UST: variants seen among roughly 807,000 people sequenced by gnomAD.
UST encodes the protein chondroitin sulfate 2-O-sulfotransferase.
Under a neutral mutation model 45.6 loss-of-function variants are expected in UST, and 21 were observed. The observed-to-expected ratio is 0.46, with a 90% CI of 0.33 to 0.66. UST has a LOEUF of 0.66. Ranked by LOEUF, UST falls within the 30% of genes least tolerant of loss-of-function variation. The pLI is 0.02. For synonymous variants in UST, 215 were observed against 200.6 expected (o/e 1.07, Z -0.61); for missense variants, 463 against 512.4 (o/e 0.90, Z 0.93).
In UST at chr6:149,074,234, TC is replaced by T; in HGVS notation, c.*121del. ...GGGTGCATTAAAAAGAACAAAACAT[TC>T]CCACATGTTGGGGTCATTGGGAGAT... On this transcript the variant is annotated 3_prime_UTR_variant, in exon 8 of 8. Coordinates refer to ENST00000367463, the MANE Select transcript of UST (RefSeq NM_005715.3). 8.7e-7 allele frequency: 1 copy of T among 1,155,842 alleles called. No homozygotes were observed. The highest frequency in any genetic ancestry group is 1.2e-6 in the Non-Finnish European group (1 of 820,014). 71.6% of individuals were successfully genotyped at this position (1,155,842 alleles called of 1,614,324 possible).
At chr6:149,010,379 C>T (rs952545244) in intron 5 of UST, among the ~76,000 whole-genome samples, 5 of 152,108 alleles carry the variant, frequency 3.3e-5, no homozygotes, top group Admixed American at 6.5e-5. Flanking sequence ...CCTCAAAGAC[C>T]GCGGTTCCTT....
At chr6:149,005,251 T>A in intron 5 of UST, 4 of 979,326 alleles carry the variant, frequency 4.1e-6, no homozygotes, top group Non-Finnish European at 4.9e-6. Context: ...TCTGTGTATG[T>A]TGACGTTTCC....
chr6:148,990,495 G>C (rs1450798916), intron 5 of UST: 4 of 704,232 alleles, frequency 5.7e-6, no homozygotes, highest in Middle Eastern at 6.9e-4. Flanking sequence ...GTGTTTTCCT[G>C]GATAAAATTA....
At chr6:149,025,505 T>C (rs918305250) in intron 7 of UST, among the ~76,000 whole-genome samples, 4 of 152,182 alleles carry the variant, frequency 2.6e-5, no homozygotes, top group African/African-American at 9.7e-5. Flanking sequence ...ACAAGTACTG[T>C]GGAGTGGGCA....
chr6:149,013,242 T>C (rs974092292), intron 5 of UST, among the ~76,000 whole-genome samples: 47 of 152,190 alleles, frequency 3.1e-4, no homozygotes, highest in South Asian at 4.1e-4. Context: ...CTTGAGATTA[T>C]AAAACTATTC....
chr6:148,835,272 T>A (rs58442212), intron 1 of UST, among the ~76,000 whole-genome samples: 2,024 of 152,322 alleles, frequency 0.013, 42 homozygotes, highest in African/African-American at 0.045. Flanking sequence ...GGAGGATGTA[T>A]GTATGTTATA....
At chr6:149,049,689 T>A (rs558382121) in intron 7 of UST, among the ~76,000 whole-genome samples, 68 of 152,296 alleles carry the variant, frequency 4.5e-4, no homozygotes, top group Non-Finnish European at 8.8e-4. Flanking sequence ...CGTGTTCTTT[T>A]CCTGCACCCG....
intron 1 of UST, among the ~76,000 whole-genome samples, chr6:148,771,907 G>A (rs144789875): frequency 2.0e-5 from 3 of 152,144 alleles, no homozygotes; most frequent in Admixed American, 6.5e-5. Flanking sequence ...AGCTCATTGG[G>A]AAAGGGTGGC....
At position 148,959,873 on chromosome 6, in the gene UST, G is replaced by A. The variant is rs144911056; in HGVS notation, c.528-4537G>A. 3.3e-3 allele frequency among the ~76,000 whole-genome samples: 509 copies of A among 152,018 alleles called. 6 individuals are homozygous for A. The highest frequency in any genetic ancestry group is 0.012 in the African/African-American group (489 of 41,444). On this transcript the variant is annotated intron_variant, in intron 4 of 7. Transcript: ENST00000367463. ...GGAGGGGAGTCTAGTCCTGGGCAGA[G>A]GAGATGGAAGTGCCCACTGCAGGGG... is the stretch of plus-strand genomic sequence containing the variant.
At chr6:148,859,061 G>A (rs577582009) in intron 1 of UST, among the ~76,000 whole-genome samples, 1 of 152,328 alleles carries the variant, frequency 6.6e-6, no homozygotes, top group South Asian at 2.1e-4. Flanking sequence ...CTAGATCCTT[G>A]AGGAATCTCC....
intron 3 of UST, among the ~76,000 whole-genome samples, chr6:148,942,088 G>A (rs534042127): frequency 1.3e-5 from 2 of 152,132 alleles, no homozygotes; most frequent in Non-Finnish European, 1.5e-5. Context: ...CAGTCTCTGT[G>A]GGGGTGCTTT....
At chr6:149,044,845 G>T (rs1447109546) in intron 7 of UST, among the ~76,000 whole-genome samples, 3 of 152,180 alleles carry the variant, frequency 2.0e-5, no homozygotes, top group African/African-American at 7.2e-5. Flanking sequence ...CACGTGCTTT[G>T]GATATCAGAT....
chr6:149,039,491 G>C (rs1776280812), intron 7 of UST, among the ~76,000 whole-genome samples: 1 of 152,134 alleles, frequency 6.6e-6, no homozygotes, highest in South Asian at 2.1e-4. Context: ...CTCCCAAAGT[G>C]CTGGGATTAT....
At chr6:148,838,058 G>C (rs572640182) in intron 1 of UST, among the ~76,000 whole-genome samples, 1 of 152,204 alleles carries the variant, frequency 6.6e-6, no homozygotes, top group Non-Finnish European at 1.5e-5. Context: ...GATCTTTTCA[G>C]ATGTTCATAA....
chr6:148,785,813 AC>A (rs1377917736), intron 1 of UST, among the ~76,000 whole-genome samples: 2 of 152,160 alleles, frequency 1.3e-5, no homozygotes, highest in Admixed American at 6.5e-5. Context: ...GATACCCCAA[AC>A]CATGTATGTT....
chr6:148,875,146 G>A (rs1302214017), intron 1 of UST, among the ~76,000 whole-genome samples: 1 of 152,186 alleles, frequency 6.6e-6, no homozygotes, highest in Non-Finnish European at 1.5e-5. Context: ...ACAGTGTCAC[G>A]GCAGCTTCTT....
intron 4 of UST, among the ~76,000 whole-genome samples, chr6:148,962,139 C>T (rs991418284): frequency 1.9e-4 from 29 of 152,274 alleles, no homozygotes; most frequent in African/African-American, 7.0e-4. Flanking sequence ...ACTATATTAT[C>T]TGATACTTGA....
rs542327647 is a variant in UST, at chr6:148,964,278, G to A, written c.528-132G>A. The stretch of plus-strand genomic sequence containing the variant: ...TCAGGAAACACCGTTTGCTTATTAC[G>A]TGTCATTGGCACCTTAGCATAGGAG... On this transcript the variant is annotated intron_variant, in intron 4 of 7. Coordinates refer to ENST00000367463, the MANE Select transcript of UST (RefSeq NM_005715.3). 9 of 1,049,388 alleles carry A rather than the reference G, an allele frequency of 8.6e-6. No individual in the cohort carries two copies. In the East Asian group the frequency reaches 1.5e-4, roughly 17 times the overall value. The allele number at this position is 1,049,388 out of a possible 1,614,324, so 65.0% of individuals were successfully genotyped here.
chr6:149,063,461 G>T (rs1232575550), intron 7 of UST, among the ~76,000 whole-genome samples: 1 of 152,156 alleles, frequency 6.6e-6, no homozygotes. Flanking sequence ...ATGAATTAAA[G>T]TAGAGAGGCA....
Sources: gnomAD v4.1 joint callset for allele counts (sites outside exome capture counted in the v4.1 genomes callset) on GRCh38, gnomAD v4.1.1 for gene constraint, MANE v1.5 for transcripts, NCBI Gene and HGNC (gene_info 2026-07-23, HGNC 2026-07-21) for gene names.